The following HEATR5B variants were observed in gnomAD, a reference collection of about 807,000 sequenced individuals.
The protein encoded by HEATR5B is HEAT repeat containing 5B.
In HEATR5B, 156 loss-of-function variants were observed where a neutral mutation model predicts 224.1. The observed-to-expected ratio is 0.70, with a 90% CI of 0.61 to 0.80. HEATR5B has a LOEUF of 0.80. HEATR5B is among the 30% of genes least tolerant of loss of function. HEATR5B has a pLI of 0.00. For synonymous variants in HEATR5B, 1,027 were observed against 893.0 expected, an observed-to-expected ratio of 1.15 and a Z score of -2.68; for missense variants, 2,323 against 2,535.5, an observed-to-expected ratio of 0.92 and a Z score of 1.80.
intron 21 of HEATR5B, among the ~76,000 whole-genome samples, chr2:37,034,228 C>T (rs950978716): frequency 4.0e-5 from 6 of 150,652 alleles, no homozygotes; most frequent in Non-Finnish European, 7.4e-5. Flanking sequence ...GGATGGTCTC[C>T]ATCTCCTGAC....
intron 35 of HEATR5B, among the ~76,000 whole-genome samples, chr2:36,983,925 G>A (rs760702692): frequency 6.6e-6 from 1 of 151,460 alleles, no homozygotes; most frequent in Admixed American, 6.6e-5. Flanking sequence ...GAGGCCGGAC[G>A]CAGTGGCTCA....
chr2:37,068,652 T>TC, intron 8 of HEATR5B, 29 bp downstream of exon 8: 1 of 1,608,476 alleles, frequency 6.2e-7, no homozygotes, highest in Non-Finnish European at 8.5e-7. Context: ...ACTAAGGTAA[T>TC]CAACACACAT....
At chr2:36,987,651 A>G (rs1224462861) in intron 35 of HEATR5B, among the ~76,000 whole-genome samples, 1 of 152,010 alleles carries the variant, frequency 6.6e-6, no homozygotes, top group Non-Finnish European at 1.5e-5. Flanking sequence ...TCATTAAATT[A>G]AAAAAAATTC....
intron 26 of HEATR5B, among the ~76,000 whole-genome samples, 180 bp downstream of exon 26, chr2:37,019,629 G>C (rs1409144014): frequency 6.6e-6 from 1 of 151,844 alleles, no homozygotes; most frequent in African/African-American, 2.4e-5. Context: ...ACTAATTTTT[G>C]TATTTTTTGT....
chr2:37,072,139 G>A lies in HEATR5B; in HGVS notation c.740C>T (p.Ala247Val). The change falls in exon 6 of 36, where the codon GCC (alanine) becomes GTC (valine). Residue 247 changes from alanine to valine, a missense_variant. Ala to Val is a moderately conservative substitution (Grantham distance 64). Around this residue, in one of 12 missense-constraint regions of HEATR5B, gnomAD observed 292 missense variants for 332.6 expected, o/e 0.88. Coordinates refer to ENST00000233099, the MANE Select transcript of HEATR5B (RefSeq NM_019024.3). Reference sequence around the variant, plus strand: ...TGCCTGTTTTGGCATTAATGCTGTGGCCATGACTGTTCCTAAAAGTTTAGA... The same window carrying A: ...TGCCTGTTTTGGCATTAATGCTGTGACCATGACTGTTCCTAAAAGTTTAGA... ...AVSKLLGTVM[A>V]TALMPKQATV... The A allele has an allele frequency of 2.5e-6, 4 of 1,613,878 alleles. No individual in the cohort carries two copies. The highest frequency in any genetic ancestry group is 3.4e-6 in the Non-Finnish European group (4 of 1,179,870).
chr2:37,036,865 C>G (rs1012378996), intron 21 of HEATR5B, among the ~76,000 whole-genome samples: 1 of 151,846 alleles, frequency 6.6e-6, no homozygotes, highest in Non-Finnish European at 1.5e-5. Context: ...TTATGATAGG[C>G]CTCCTGCTAA....
At chr2:37,049,903 T>C in intron 17 of HEATR5B, 60 bp from the exon 18 acceptor site, 1 of 1,432,604 alleles carries the variant, frequency 7.0e-7, no homozygotes, top group South Asian at 1.5e-5. Context: ...TTATTATTTT[T>C]TTTTTAAGGC....
chr2:37,031,430 C>CTTTTT (rs1558755776), intron 22 of HEATR5B, among the ~76,000 whole-genome samples: 1 of 133,170 alleles, frequency 7.5e-6, no homozygotes, highest in African/African-American at 2.6e-5. Flanking sequence ...TTTTTCTTTT[C>CTTTTT]TTTCTTTTTT....
intron 11 of HEATR5B, among the ~76,000 whole-genome samples, chr2:37,061,695 T>G (rs1262360486): frequency 6.6e-6 from 1 of 152,200 alleles, no homozygotes; most frequent in East Asian, 1.9e-4. Context: ...ACTCATCAGG[T>G]AGACAAAGGT....
chr2:37,053,844 T>C (rs901427944), intron 16 of HEATR5B, among the ~76,000 whole-genome samples: 12 of 151,770 alleles, frequency 7.9e-5, no homozygotes, highest in African/African-American at 2.9e-4. Flanking sequence ...AAGGTCACAA[T>C]TGCAGTGGTC....
rs781020831 is a variant in HEATR5B, at chr2:37,027,934, C to T, written c.3842G>A (p.Arg1281Gln). ...GATTTTAAATTTACTTGTAGGGTTTCGAAGTTTAGCAGAACGTGCCAAGGC... is the reference window on the plus strand; with the variant it reads ...GATTTTAAATTTACTTGTAGGGTTTTGAAGTTTAGCAGAACGTGCCAAGGC... ...DLALARSAKLRNPTNDLLVLH... is the reference protein window; with the variant it reads ...DLALARSAKLQNPTNDLLVLH... The change falls in exon 24 of 36, where the codon CGA becomes CAA. Residue 1281 changes from arginine to glutamine, a missense_variant. By Grantham distance (43) the Arg-to-Gln change is conservative. Around this residue, in one of 12 missense-constraint regions of HEATR5B, gnomAD observed 339 missense variants for 378.4 expected, o/e 0.90. Transcript: ENST00000233099. 42 of 1,613,392 alleles carry T rather than the reference C, an allele frequency of 2.6e-5. No homozygotes were observed. The highest frequency in any genetic ancestry group is 1.1e-4 in the East Asian group (5 of 44,872).
chr2:37,040,995 T>A, intron 19 of HEATR5B, 138 bp downstream of exon 19: 3 of 639,826 alleles, frequency 4.7e-6, no homozygotes, highest in Non-Finnish European at 7.9e-6. Flanking sequence ...AAACAAAATC[T>A]TGCTATGTAC....
intron 30 of HEATR5B, 98 bp downstream of exon 30, chr2:37,005,534 T>A: frequency 9.3e-7 from 1 of 1,074,956 alleles, no homozygotes. Context: ...CATGTTAAAA[T>A]AGGATCCAAT....
rs561825821 is a variant in HEATR5B at position 37,004,428 on chromosome 2, C to G, written c.4906-742G>C. Among the ~76,000 whole-genome samples the G allele has an allele frequency of 1.9e-4, 29 of 151,378 alleles. No homozygotes were observed. In the South Asian group the frequency reaches 6.1e-3, roughly 32 times the overall value. On this transcript the variant is annotated intron_variant, in intron 30 of 35. Transcript: ENST00000233099. ...GTATAATGACAATGCTCAAGTCTTT[C>G]TTATCACATGTCCCCCCTGCACTAT...
At chr2:37,076,585 C>T (rs1428165810) in intron 4 of HEATR5B, among the ~76,000 whole-genome samples, 1 of 151,598 alleles carries the variant, frequency 6.6e-6, no homozygotes, top group Non-Finnish European at 1.5e-5. Flanking sequence ...TTGTTTTAAG[C>T]CACCCAGTCT....
intron 27 of HEATR5B, among the ~76,000 whole-genome samples, chr2:37,011,794 C>T (rs545602459): frequency 6.6e-6 from 1 of 152,284 alleles, no homozygotes; most frequent in South Asian, 2.1e-4. Flanking sequence ...AAAAGATATT[C>T]ATTTCTTCAC....
chr2:37,037,591 T>A (rs1669578536), intron 21 of HEATR5B, among the ~76,000 whole-genome samples: 1 of 152,094 alleles, frequency 6.6e-6, no homozygotes. Context: ...TTTGATAACA[T>A]AAAAGGGTGA....
intron 33 of HEATR5B, among the ~76,000 whole-genome samples, chr2:36,993,619 C>A (rs1018519605): frequency 6.6e-6 from 1 of 151,368 alleles, no homozygotes; most frequent in Admixed American, 6.6e-5. Context: ...CCACAGGTTA[C>A]CTATTAATTA....
intron 32 of HEATR5B, among the ~76,000 whole-genome samples, chr2:37,002,006 GGAAAACAGA>G (rs1667120842): frequency 6.6e-6 from 1 of 152,174 alleles, no homozygotes; most frequent in Non-Finnish European, 1.5e-5. Flanking sequence ...CAACCAGACT[GGAAAACAGA>G]GTTTAGTTAT....
Sources: gnomAD v4.1 joint callset for allele counts (sites outside exome capture counted in the v4.1 genomes callset) on GRCh38, gnomAD v4.1.1 for gene constraint, gnomAD v4.1.1 regional missense constraint, MANE v1.5 for transcripts, NCBI Gene and HGNC (gene_info 2026-07-23, HGNC 2026-07-21) for gene names.